EPHB2: variants seen among roughly 807,000 people sequenced by gnomAD.
EPHB2 encodes ephrin type-B receptor 2.
EPHB2 carries 18 observed loss-of-function variants against 96.4 expected under a neutral mutation model. The observed-to-expected ratio is 0.19, with a 90% confidence interval of 0.13 to 0.28. EPHB2 has a LOEUF of 0.28. EPHB2 is among the 10% of genes least tolerant of loss of function. EPHB2 has a pLI of 1.00. For missense variants in EPHB2, 989 were observed against 1,355.4 expected (o/e 0.73, Z 4.25); for synonymous variants, 506 against 534.1 (o/e 0.95, Z 0.72).
chr1:22,777,891 G>A (rs4655108), intron 1 of EPHB2, among the ~76,000 whole-genome samples: 23,913 of 152,168 alleles, frequency 0.16, 2,467 homozygotes, highest in East Asian at 0.56. Context: ...TACTAAGTGA[G>A]GATCTACTTT....
intron 3 of EPHB2, among the ~76,000 whole-genome samples, chr1:22,803,477 C>T (rs753872191): frequency 3.3e-5 from 5 of 151,660 alleles, no homozygotes; most frequent in Non-Finnish European, 5.9e-5. Flanking sequence ...TGTGGTGGTA[C>T]GCACTTGTAG....
chr1:22,797,402 G>C (rs1365097075), intron 3 of EPHB2, among the ~76,000 whole-genome samples: 1 of 152,124 alleles, frequency 6.6e-6, no homozygotes, highest in East Asian at 1.9e-4. Context: ...GGACCTCACT[G>C]GCTCCCAGGG....
At chr1:22,781,334 A>AAG (rs1644528751) in intron 1 of EPHB2, 87 bp from the exon 2 acceptor site, 6 of 1,264,536 alleles carry the variant, frequency 4.7e-6, no homozygotes, top group African/African-American at 4.6e-5. Flanking sequence ...AAAAAAAAAA[A>AAG]AAGAAGAAGA....
At chr1:22,901,806 TGTGTGTGTGTGTGA>T (rs1280254196) in intron 9 of EPHB2, among the ~76,000 whole-genome samples, 4 of 133,776 alleles carry the variant, frequency 3.0e-5, no homozygotes, top group African/African-American at 1.2e-4. Context: ...TTTAACTTCG[TGTGTGTGTGTGTGA>T]GTGTGTGTGT....
chr1:22,736,772 C>T (rs561042227), intron 1 of EPHB2, among the ~76,000 whole-genome samples: 1 of 152,180 alleles, frequency 6.6e-6, no homozygotes, highest in African/African-American at 2.4e-5. Context: ...CTTTTTTTCC[C>T]AGCGCACTGT....
At chr1:22,853,415 A>G (rs1261261605) in intron 3 of EPHB2, among the ~76,000 whole-genome samples, 2 of 152,180 alleles carry the variant, frequency 1.3e-5, no homozygotes, top group African/African-American at 4.8e-5. Context: ...ACCCACCATC[A>G]CTGTCACTGT....
chr1:22,885,887 A>T (rs1450757922), intron 6 of EPHB2, among the ~76,000 whole-genome samples: 1 of 152,130 alleles, frequency 6.6e-6, no homozygotes, highest in South Asian at 2.1e-4. Flanking sequence ...ACAGAGAGGG[A>T]CAGCTTGGCA....
chr1:22,814,968 AC>A (rs1206372542), intron 3 of EPHB2, among the ~76,000 whole-genome samples: 3 of 152,176 alleles, frequency 2.0e-5, no homozygotes, highest in African/African-American at 7.2e-5. Context: ...GGTGGCTGGA[AC>A]CAGTCGCCCT....
chr1:22,753,964 G>A (rs1346967828), intron 1 of EPHB2, among the ~76,000 whole-genome samples: 1 of 152,174 alleles, frequency 6.6e-6, no homozygotes, highest in African/African-American at 2.4e-5. Context: ...AAGACAGGAA[G>A]GCCTTAGAGC....
intron 3 of EPHB2, among the ~76,000 whole-genome samples, chr1:22,850,446 G>A (rs949439990): frequency 6.6e-6 from 1 of 152,230 alleles, no homozygotes; most frequent in Middle Eastern, 3.2e-3. Flanking sequence ...GGCCTGCCAG[G>A]CCTTACCTCG....
chr1:22,888,268 C>T (rs1407352364), intron 6 of EPHB2, among the ~76,000 whole-genome samples: 1 of 152,140 alleles, frequency 6.6e-6, no homozygotes, highest in Admixed American at 6.5e-5. Flanking sequence ...TTCTCGAACT[C>T]CTGACCTCAG....
In EPHB2 at chr1:22,888,443, T is replaced by C. The variant is rs900764456; in HGVS notation, c.1429-4441T>C. ...TAAAAAGCTTTACCTGTATTTTCCT[T>C]TTAAATCTCCAAAACCACCTTTTAT... On this transcript the variant is annotated intron_variant, in intron 6 of 15. Coordinates refer to ENST00000374630, the MANE Select transcript of EPHB2 (RefSeq NM_017449.5). Among the ~76,000 whole-genome samples, 5 of 152,198 alleles carry C rather than the reference T, an allele frequency of 3.3e-5. No individual in the cohort carries two copies. The East Asian group carries it at 9.6e-4, about 29-fold the overall frequency.
Position 22,785,891 on chromosome 1 carries a change from A to G in EPHB2, c.811+815A>G, listed in dbSNP as rs182770613. Among the ~76,000 whole-genome samples, 161 of 152,360 alleles carry G rather than the reference A, an allele frequency of 1.1e-3. 1 individual carries two copies. The highest frequency in any genetic ancestry group is 9.9e-3 in the South Asian group (48 of 4,826). ...CCTGTGACAGAAAGTACTGTTGTAT[A>G]TGAAGAAGCTGAGGCTCAGAGAGCT... On this transcript the variant is annotated intron_variant, in intron 3 of 15. Coordinates refer to ENST00000374630, the MANE Select transcript of EPHB2 (RefSeq NM_017449.5).
intron 3 of EPHB2, among the ~76,000 whole-genome samples, chr1:22,832,671 A>G (rs1487138890): frequency 6.6e-6 from 1 of 152,098 alleles, no homozygotes; most frequent in Non-Finnish European, 1.5e-5. Flanking sequence ...CTGACCACAC[A>G]AGAGCCTGGT....
intron 1 of EPHB2, among the ~76,000 whole-genome samples, chr1:22,780,668 G>C (rs769601948): frequency 6.6e-6 from 1 of 152,204 alleles, no homozygotes; most frequent in Admixed American, 6.5e-5. Flanking sequence ...ACAGATCCCA[G>C]AGTTTGATGT....
chr1:22,830,037 T>C (rs947550043), intron 3 of EPHB2, among the ~76,000 whole-genome samples: 4 of 152,142 alleles, frequency 2.6e-5, no homozygotes, highest in Admixed American at 6.5e-5. Flanking sequence ...GAGTTCATGA[T>C]CATGCTCAAG....
chr1:22,826,824 C>T (rs1334129831), intron 3 of EPHB2, among the ~76,000 whole-genome samples: 1 of 152,174 alleles, frequency 6.6e-6, no homozygotes, highest in Non-Finnish European at 1.5e-5. Flanking sequence ...ACGCCTGCCT[C>T]CCCCAGGACA....
intron 3 of EPHB2, among the ~76,000 whole-genome samples, chr1:22,835,464 A>C (rs1234216267): frequency 6.6e-6 from 1 of 152,380 alleles, no homozygotes; most frequent in East Asian, 1.9e-4. Flanking sequence ...AGAGACACAC[A>C]GACATGCACA....
At chr1:22,864,841 A>G in intron 4 of EPHB2, 36 bp from the exon 5 acceptor site, 3 of 1,292,106 alleles carry the variant, frequency 2.3e-6, no homozygotes, top group Non-Finnish European at 3.3e-6. Flanking sequence ...GTACCCCCTG[A>G]GCCCCCCACT....
Sources: gnomAD v4.1 joint callset for allele counts (sites outside exome capture counted in the v4.1 genomes callset) on GRCh38, gnomAD v4.1.1 for gene constraint, MANE v1.5 for transcripts, NCBI Gene and HGNC (gene_info 2026-07-23, HGNC 2026-07-21) for gene names.